The following SLC71A2 variants were observed in gnomAD, a reference collection of about 807,000 sequenced individuals.
SLC71A2 encodes solute carrier family 71 member 2, also known as hippocampus abundant transcript-like 1.
At chr9:94,434,911 TCTAA>T in the SLC71A2 span, among the ~76,000 whole-genome samples, 42 of 152,264 alleles carry the variant, frequency 2.8e-4, no homozygotes, top group African/African-American at 8.2e-4. Context: ...GCATCCAAAC[TCTAA>T]CTATTATACA....
chr9:94,384,387 G>A, the SLC71A2 span, among the ~76,000 whole-genome samples: 2 of 145,550 alleles, frequency 1.4e-5, no homozygotes, highest in East Asian at 2.0e-4. Flanking sequence ...TGCTCAGGCT[G>A]GAGTGCAGTG....
chr9:94,423,280 T>C, the SLC71A2 span, among the ~76,000 whole-genome samples: 3 of 140,990 alleles, frequency 2.1e-5, no homozygotes, highest in African/African-American at 8.1e-5. Flanking sequence ...TTTTTTTTTT[T>C]CAGGGTAGGC....
the SLC71A2 span, among the ~76,000 whole-genome samples, chr9:94,457,358 A>G: frequency 6.6e-6 from 1 of 151,618 alleles, no homozygotes; most frequent in Non-Finnish European, 1.5e-5. Flanking sequence ...GAAGTAGACA[A>G]TTTTAGAGGG....
At chr9:94,433,291 GACT>G in the SLC71A2 span, 1 of 160,926 alleles carries the variant, frequency 6.2e-6, no homozygotes, top group Non-Finnish European at 1.4e-5. Context: ...CCCCTGGACT[GACT>G]ACAAATAACA....
At chr9:94,436,257 A>C in the SLC71A2 span, among the ~76,000 whole-genome samples, 2 of 152,330 alleles carry the variant, frequency 1.3e-5, no homozygotes, top group Non-Finnish European at 2.9e-5. Flanking sequence ...AACTAGTTGC[A>C]TGGACAATGG....
the SLC71A2 span, among the ~76,000 whole-genome samples, chr9:94,395,368 A>G: frequency 4.6e-5 from 7 of 151,960 alleles, no homozygotes; most frequent in Admixed American, 1.3e-4. Flanking sequence ...AAACTTGAAT[A>G]TTTCATTTTA....
chr9:94,413,939 A>G, the SLC71A2 span, among the ~76,000 whole-genome samples: 1 of 152,168 alleles, frequency 6.6e-6, no homozygotes, highest in Non-Finnish European at 1.5e-5. Flanking sequence ...TTATCCTCTC[A>G]TATGCCTGTG....
chr9:94,376,488 T>C, the SLC71A2 span, among the ~76,000 whole-genome samples: 1 of 151,816 alleles, frequency 6.6e-6, no homozygotes, highest in Admixed American at 6.6e-5. Flanking sequence ...ATTACTGCTG[T>C]CCTTAATTTT....
At chr9:94,453,121 T>C in the SLC71A2 span, among the ~76,000 whole-genome samples, 1 of 151,900 alleles carries the variant, frequency 6.6e-6, no homozygotes, top group Non-Finnish European at 1.5e-5. Context: ...TTTGGTTTTT[T>C]ACAAAATCAA....
the SLC71A2 span, among the ~76,000 whole-genome samples, chr9:94,418,741 A>G: frequency 2.0e-4 from 30 of 148,212 alleles, no homozygotes; most frequent in African/African-American, 7.2e-4. Context: ...CACCTGGCCC[A>G]TACTTTCCTT....
At chr9:94,425,181 G>A in the SLC71A2 span, among the ~76,000 whole-genome samples, 1 of 152,018 alleles carries the variant, frequency 6.6e-6, no homozygotes, top group Admixed American at 6.6e-5. Flanking sequence ...ACGCACTCCT[G>A]TAATCCCAGC....
At chr9:94,459,135 C>T in the SLC71A2 span, 2 of 1,606,828 alleles carry the variant, frequency 1.2e-6, no homozygotes, top group South Asian at 1.1e-5. Context: ...TATTCTTTGT[C>T]TCCACTTGTT....
the SLC71A2 span, among the ~76,000 whole-genome samples, chr9:94,391,526 C>T: frequency 6.6e-6 from 1 of 151,496 alleles, no homozygotes; most frequent in East Asian, 1.9e-4. Flanking sequence ...AAATTAATTA[C>T]TATGATTAGT....
chr9:94,392,615 C>G, the SLC71A2 span, among the ~76,000 whole-genome samples: 1 of 152,044 alleles, frequency 6.6e-6, no homozygotes, highest in Non-Finnish European at 1.5e-5. Context: ...ATTCTCCTGC[C>G]TCAGCCTCCC....
At chr9:94,446,956 T>C in the SLC71A2 span, 12 of 1,175,198 alleles carry the variant, frequency 1.0e-5, no homozygotes, top group Non-Finnish European at 1.5e-5. Context: ...GAGTGGCTAG[T>C]AGCCTTTCAA....
At chr9:94,377,772 G>C in the SLC71A2 span, among the ~76,000 whole-genome samples, 2 of 151,780 alleles carry the variant, frequency 1.3e-5, 1 homozygote, top group South Asian at 4.2e-4. Flanking sequence ...AAATAAAAGA[G>C]AATCAAGTAT....
the SLC71A2 span, among the ~76,000 whole-genome samples, chr9:94,404,595 C>G: frequency 6.6e-6 from 1 of 152,172 alleles, no homozygotes; most frequent in Non-Finnish European, 1.5e-5. Context: ...CCACCGCGCC[C>G]GGCCTATGTG....
the SLC71A2 span, among the ~76,000 whole-genome samples, chr9:94,418,775 T>TC: frequency 5.8e-3 from 806 of 139,418 alleles, 6 homozygotes; most frequent in African/African-American, 0.019. Context: ...TTTTTTTTTT[T>TC]CACGAGTGGG....
At chr9:94,455,513 C>T in the SLC71A2 span, among the ~76,000 whole-genome samples, 1 of 151,894 alleles carries the variant, frequency 6.6e-6, no homozygotes, top group East Asian at 1.9e-4. Flanking sequence ...CTGTCCCTAG[C>T]CGTCTGTGAC....
Sources: gnomAD v4.1 joint callset for allele counts (sites outside exome capture counted in the v4.1 genomes callset) on GRCh38, gnomAD v4.1.1 for gene constraint, MANE v1.5 for transcripts, NCBI Gene and HGNC (gene_info 2026-07-23, HGNC 2026-07-21) for gene names.